PDE4D: variants seen among roughly 807,000 people sequenced by gnomAD.
The protein encoded by PDE4D is phosphodiesterase 4D.
In PDE4D, 24 loss-of-function variants were observed where a neutral mutation model predicts 87.4. The ratio of observed to expected loss-of-function variants is 0.27; its 90% confidence interval spans 0.20 to 0.39. The LOEUF (loss-of-function observed/expected upper bound fraction) is 0.39. Ranked by LOEUF, PDE4D falls within the 10% of genes least tolerant of loss-of-function variation. The probability of loss-of-function intolerance (pLI) is 1.00; values close to 1 mark genes in which losing one functional copy is unlikely to be tolerated. For missense variants in PDE4D, 714 were observed against 1,041.0 expected (o/e 0.69, Z 4.32); for synonymous variants, 384 against 383.2 (o/e 1.00, Z -0.02).
intron 6 of PDE4D, among the ~76,000 whole-genome samples, chr5:58,995,770 C>T (rs930112150): frequency 1.3e-5 from 2 of 152,082 alleles, no homozygotes; most frequent in Non-Finnish European, 2.9e-5. Context: ...TCTCAAATCC[C>T]ATAAAGAATT....
chr5:60,395,810 C>T (rs1332230240), intron 1 of PDE4D, among the ~76,000 whole-genome samples: 2 of 151,964 alleles, frequency 1.3e-5, no homozygotes, highest in East Asian at 1.9e-4. Flanking sequence ...CCTCCCTCCC[C>T]GCTCTGCATC....
chr5:60,317,152 C>T (rs1755692023), intron 1 of PDE4D, among the ~76,000 whole-genome samples: 1 of 152,128 alleles, frequency 6.6e-6, no homozygotes, highest in Non-Finnish European at 1.5e-5. Context: ...TTAATTATTG[C>T]CTCAATTTCA....
At chr5:60,387,592 T>C (rs1762279500) in intron 1 of PDE4D, among the ~76,000 whole-genome samples, 1 of 152,220 alleles carries the variant, frequency 6.6e-6, no homozygotes, top group African/African-American at 2.4e-5. Flanking sequence ...TACCCTTTGG[T>C]GCTTTTTCCC....
intron 1 of PDE4D, among the ~76,000 whole-genome samples, chr5:60,222,689 G>A (rs1043600518): frequency 6.6e-6 from 1 of 151,946 alleles, no homozygotes; most frequent in Admixed American, 6.6e-5. Context: ...AATGTATAGT[G>A]GTATCTCAAT....
intron 1 of PDE4D, among the ~76,000 whole-genome samples, chr5:59,435,083 T>C (rs895666427): frequency 2.0e-5 from 3 of 152,146 alleles, no homozygotes; most frequent in African/African-American, 7.2e-5. Context: ...GACCAGACTA[T>C]ATCTTCTACC....
intron 1 of PDE4D, among the ~76,000 whole-genome samples, chr5:59,778,808 A>T (rs1246641211): frequency 2.6e-5 from 4 of 152,206 alleles, no homozygotes; most frequent in Non-Finnish European, 5.9e-5. Flanking sequence ...AACAGGCTAA[A>T]AAGGTAGGGT....
At chr5:59,017,193 G>A (rs1484160289) in intron 6 of PDE4D, among the ~76,000 whole-genome samples, 5 of 152,164 alleles carry the variant, frequency 3.3e-5, no homozygotes, top group African/African-American at 1.2e-4. Context: ...GAGGGTGTGA[G>A]GATACCATTA....
chr5:59,046,872 CAT>C (rs1315869185), intron 5 of PDE4D, among the ~76,000 whole-genome samples: 5 of 152,144 alleles, frequency 3.3e-5, no homozygotes, highest in African/African-American at 1.2e-4. Flanking sequence ...CTTCATGTGA[CAT>C]GTGTGCAACT....
At chr5:60,077,908 A>C (rs1773492901) in intron 2 of PDE4D, among the ~76,000 whole-genome samples, 1 of 152,220 alleles carries the variant, frequency 6.6e-6, no homozygotes, top group African/African-American at 2.4e-5. Context: ...GGGACCAGGA[A>C]CCGGTCCTGG....
intron 1 of PDE4D, among the ~76,000 whole-genome samples, chr5:59,400,613 T>G (rs1790416083): frequency 6.8e-6 from 1 of 146,938 alleles, no homozygotes; most frequent in East Asian, 2.1e-4. Flanking sequence ...GGGATAGCAT[T>G]GGGAGATATA....
At chr5:59,533,470 AAAC>A (rs1314479558) in intron 1 of PDE4D, among the ~76,000 whole-genome samples, 1 of 152,204 alleles carries the variant, frequency 6.6e-6, no homozygotes, top group East Asian at 1.9e-4. Context: ...TGGGGGGGTC[AAAC>A]AACAACAAAA....
chr5:59,931,418 T>C, intron 3 of PDE4D, among the ~76,000 whole-genome samples: 1 of 152,176 alleles, frequency 6.6e-6, no homozygotes, highest in South Asian at 2.1e-4. Context: ...TTCTTACAGT[T>C]ACGGAGGCTA....
At chr5:59,262,366 T>A (rs1460261934) in intron 1 of PDE4D, among the ~76,000 whole-genome samples, 1 of 151,994 alleles carries the variant, frequency 6.6e-6, no homozygotes, top group Non-Finnish European at 1.5e-5. Flanking sequence ...AATGATCAGG[T>A]AGCTAGAAAA....
At chr5:60,360,040 A>G (rs1243431652) in intron 1 of PDE4D, among the ~76,000 whole-genome samples, 1 of 152,198 alleles carries the variant, frequency 6.6e-6, no homozygotes, top group Non-Finnish European at 1.5e-5. Context: ...AATACCCTAC[A>G]AAGTGGGTAA....
At chr5:59,408,811 G>A (rs984281084) in intron 1 of PDE4D, among the ~76,000 whole-genome samples, 3 of 152,244 alleles carry the variant, frequency 2.0e-5, no homozygotes, top group African/African-American at 7.2e-5. Context: ...AGACTTGGGT[G>A]GGGCCTGAAG....
At chr5:60,249,226 G>A (rs949895684) in intron 1 of PDE4D, among the ~76,000 whole-genome samples, 2 of 152,026 alleles carry the variant, frequency 1.3e-5, no homozygotes, top group African/African-American at 2.4e-5. Flanking sequence ...TTAATGGCTT[G>A]TGAATGCAAC....
intron 1 of PDE4D, among the ~76,000 whole-genome samples, chr5:59,317,278 C>A (rs987407889): frequency 6.6e-5 from 10 of 152,174 alleles, no homozygotes; most frequent in African/African-American, 2.4e-4. Context: ...TCAGAAGCAG[C>A]TGCATTCATA....
At chr5:60,303,019 G>C (rs542317668) in intron 1 of PDE4D, among the ~76,000 whole-genome samples, 1 of 152,068 alleles carries the variant, frequency 6.6e-6, no homozygotes, top group Admixed American at 6.5e-5. Context: ...AGTAGAGACA[G>C]GGTTTAACCA....
intron 1 of PDE4D, among the ~76,000 whole-genome samples, chr5:59,752,304 G>C (rs1301461727): frequency 6.6e-6 from 1 of 152,108 alleles, no homozygotes; most frequent in African/African-American, 2.4e-5. Context: ...TCTTTCAAGA[G>C]GTCTTTTTGT....
Sources: allele counts gnomAD v4.1 joint callset (sites outside exome capture counted in the v4.1 genomes callset), GRCh38; gene constraint gnomAD v4.1.1; transcripts MANE v1.5; gene names NCBI Gene and HGNC (gene_info 2026-07-23, HGNC 2026-07-21).